The following ZNF625 variants were observed in gnomAD, a reference collection of about 807,000 sequenced individuals.
ZNF625 encodes zinc finger protein 625.
ZNF625 carries 8 observed loss-of-function variants against 11.1 expected under a neutral mutation model. The observed-to-expected ratio is 0.72, with a 90% CI of 0.42 to 1.30. The LOEUF (loss-of-function observed/expected upper bound fraction) is 1.30, where lower values mean the gene tolerates loss of function less well. ZNF625 is among the 50% of genes most tolerant of loss of function. The pLI is 0.01. For missense variants in ZNF625, 349 were observed against 447.6 expected, an observed-to-expected ratio of 0.78 and a Z score of 1.99; for synonymous variants, 145 against 153.4, an observed-to-expected ratio of 0.95 and a Z score of 0.41.
At chr19:12,151,541 G>A (rs1320415896) in intron 1 of ZNF625, among the ~76,000 whole-genome samples, 18 of 151,866 alleles carry the variant, frequency 1.2e-4, no homozygotes, top group African/African-American at 2.4e-4. Context: ...CACCACGCCC[G>A]GCTAATTTTT....
In ZNF625 at chr19:12,147,431, A is replaced by G. The variant is rs1599440592; in HGVS notation, c.155T>C (p.Ile52Thr). Reference protein sequence around the residue: ...SVGKKWKDQKIEDEYKNPRRN... With the variant: ...SVGKKWKDQKTEDEYKNPRRN... ...CCTGGGATTTTTGTACTCATCTTCAATTTTCTGATCTTTCCATTTTTTTCC... is the reference window on the plus strand; with the variant it reads ...CCTGGGATTTTTGTACTCATCTTCAGTTTTCTGATCTTTCCATTTTTTTCC... The change falls in exon 3 of 4, where the codon ATT (isoleucine) becomes ACT (threonine). Residue 52 changes from isoleucine (I) to threonine (T), a missense_variant. Physicochemically the swap from Ile to Thr is moderately conservative, Grantham distance 89. Coordinates refer to ENST00000439556, the MANE Select transcript of ZNF625 (RefSeq NM_145233.4). The G allele has an allele frequency of 6.5e-7, 1 of 1,534,836 alleles. No homozygotes were observed. The highest frequency in any genetic ancestry group is 2.4e-5 in the East Asian group (1 of 40,882).
intron 1 of ZNF625, among the ~76,000 whole-genome samples, chr19:12,148,442 G>T (rs1057167885): frequency 6.6e-6 from 1 of 152,126 alleles, no homozygotes; most frequent in Non-Finnish European, 1.5e-5. Flanking sequence ...AAAAACTCCA[G>T]GGTGTCCAGT....
chr19:12,150,910 C>T (rs1264156241), intron 1 of ZNF625, among the ~76,000 whole-genome samples: 1 of 152,066 alleles, frequency 6.6e-6, no homozygotes, highest in Non-Finnish European at 1.5e-5. Context: ...CAGTGTTCTA[C>T]GGTGGAGCTC....
chr19:12,151,204 CT>C (rs573002649), intron 1 of ZNF625, among the ~76,000 whole-genome samples: 212 of 133,918 alleles, frequency 1.6e-3, no homozygotes, highest in Admixed American at 2.4e-3. Flanking sequence ...TCTTGTATTT[CT>C]TTTTTTTTTT....
intron 3 of ZNF625, among the ~76,000 whole-genome samples, chr19:12,146,830 G>A (rs1386642834): frequency 6.6e-6 from 1 of 152,142 alleles, no homozygotes; most frequent in Non-Finnish European, 1.5e-5. Flanking sequence ...AGGCTAGAGT[G>A]TAATGGTGCT....
At chr19:12,154,659 T>C (rs1977002581) in intron 1 of ZNF625, among the ~76,000 whole-genome samples, 1 of 152,224 alleles carries the variant, frequency 6.6e-6, no homozygotes, top group African/African-American at 2.4e-5. Context: ...GGCGACTACA[T>C]CACTGTAACC....
rs538854954 is a variant in ZNF625, at chr19:12,145,023, A to AT, written c.*273dup. The AT allele has an allele frequency of 1.4e-3, 486 of 352,518 alleles. 3 individuals are homozygous for AT. Among genetic ancestry groups the AT allele is most frequent in the South Asian group, 8.9e-3 (153 of 17,262 alleles). 21.8% of individuals were successfully genotyped at this position (352,518 alleles called of 1,614,324 possible). On this transcript the variant is annotated 3_prime_UTR_variant, in exon 4 of 4. Coordinates refer to ENST00000439556, the MANE Select transcript of ZNF625 (RefSeq NM_145233.4). ...GCCACTGCACCCGGCCAAACCTCGT[A>AT]TTTTTTTTATGACAGAACTGTCTTA...
Position 12,145,459 on chromosome 19 carries a change from T to C in ZNF625, c.957A>G (p.Arg319=), listed in dbSNP as rs924810007. 6.2e-7 allele frequency: 1 copy of C among 1,614,036 alleles called. No homozygotes were observed. The highest frequency in any genetic ancestry group is 8.5e-7 in the Non-Finnish European group (1 of 1,180,002). Reference sequence around the variant, plus strand: ...CTCCAGTGTGAGTCCTTCCATGTGTTCGAAGGTGCGAGGCAGATCTGAAGG... The same window carrying C: ...CTCCAGTGTGAGTCCTTCCATGTGTCCGAAGGTGCGAGGCAGATCTGAAGG... ...GKAFRSASHL[R]THGRTHTGEK... Residue 319 remains arginine, a synonymous_variant, in exon 4 of 4, where the codon CGA becomes CGG. Transcript: ENST00000439556.
At position 12,156,635 on chromosome 19, in the gene ZNF625, G is replaced by C. The variant is rs1290902773; in HGVS notation, c.-77C>G. 2 of 1,234,956 alleles carry C rather than the reference G, an allele frequency of 1.6e-6. No homozygotes were observed. 76.5% of individuals were successfully genotyped at this position (1,234,956 alleles called of 1,614,324 possible). A position where few individuals can be genotyped will look rare whatever the true frequency, so the allele number is the denominator to read the frequency against. On this transcript the variant is annotated 5_prime_UTR_variant, in exon 1 of 4. Transcript: ENST00000439556. ...CCAGTCACAGTGCGGGCGATGGAGC[G>C]ACAGAAGCTATGGCGGAGGCACCTG...
Position 12,146,097 on chromosome 19 carries a change from C to T in ZNF625, c.319G>A (p.Val107Met), listed in dbSNP as rs7258368. The part of the protein sequence containing the change: ...PRVKSCGEVS[V>M]GHASLNRHHR... ...TGCCTATTAAGGGATGCATGACCCACGCTGACTTCTCCACATGATTTTACT... is the reference window on the plus strand; with the variant it reads ...TGCCTATTAAGGGATGCATGACCCATGCTGACTTCTCCACATGATTTTACT... The change falls in exon 4 of 4, where the codon GTG (valine) becomes ATG (methionine). Residue 107 changes from valine (V) to methionine (M), a missense_variant. By Grantham distance (21) the Val-to-Met change is conservative. Coordinates refer to ENST00000439556, the MANE Select transcript of ZNF625 (RefSeq NM_145233.4). 0.13 allele frequency: 208,127 copies of T among 1,613,886 alleles called. 15,187 individuals are homozygous for T. The highest frequency in any genetic ancestry group is 0.29 in the African/African-American group (21,401 of 74,894).
intron 1 of ZNF625, among the ~76,000 whole-genome samples, chr19:12,150,742 T>C (rs1206248524): frequency 6.6e-6 from 1 of 152,164 alleles, no homozygotes; most frequent in East Asian, 1.9e-4. Flanking sequence ...TAGGGGATAA[T>C]ATGCTCTCTC....
intron 1 of ZNF625, among the ~76,000 whole-genome samples, chr19:12,148,726 A>G (rs1976912759): frequency 6.7e-6 from 1 of 150,290 alleles, no homozygotes; most frequent in South Asian, 2.1e-4. Flanking sequence ...GGTTCAAGCA[A>G]TTTTCTGCCT....
intron 1 of ZNF625, among the ~76,000 whole-genome samples, chr19:12,152,909 G>A (rs758319399): frequency 7.9e-5 from 12 of 151,668 alleles, no homozygotes; most frequent in Non-Finnish European, 1.8e-4. Flanking sequence ...CTTACTATAA[G>A]GTATATATAA....
rs762838515 is a variant in ZNF625, at chr19:12,156,565, G to A, written c.-7C>T. 6 of 1,414,468 alleles carry A rather than the reference G, an allele frequency of 4.2e-6. No individual in the cohort carries two copies. In the East Asian group the frequency reaches 1.4e-4, roughly 32 times the overall value. The allele number at this position is 1,414,468 out of a possible 1,614,324, so 87.6% of individuals were successfully genotyped here. On this transcript the variant is annotated 5_prime_UTR_variant, in exon 1 of 4. Transcript: ENST00000439556. The stretch of plus-strand genomic sequence containing the variant: ...GGCCCCGCACACTCACCATTTCCCG[G>A]CTTCCAGGTGTCCTGGCCTCCTCTC...
At chr19:12,147,517 T>C in intron 2 of ZNF625, 62 bp from the exon 3 acceptor site, 3 of 1,509,582 alleles carry the variant, frequency 2.0e-6, no homozygotes, top group Non-Finnish European at 2.7e-6. Flanking sequence ...AGTACTAGAT[T>C]CTAAGTTCAT....
chr19:12,153,695 A>AT (rs1407952858), intron 1 of ZNF625, among the ~76,000 whole-genome samples: 2 of 151,708 alleles, frequency 1.3e-5, no homozygotes, highest in African/African-American at 2.4e-5. Context: ...AAAAAAAAAA[A>AT]AAATACATGC....
intron 1 of ZNF625, among the ~76,000 whole-genome samples, chr19:12,153,825 TGAGAC>T (rs1976991916): frequency 7.0e-6 from 1 of 141,932 alleles, no homozygotes; most frequent in Non-Finnish European, 1.5e-5. Flanking sequence ...TTTTTTTTTT[TGAGAC>T]GGAGTCTTGC....
At chr19:12,155,315 T>A (rs1392702658) in intron 1 of ZNF625, among the ~76,000 whole-genome samples, 1 of 151,974 alleles carries the variant, frequency 6.6e-6, no homozygotes, top group Non-Finnish European at 1.5e-5. Context: ...AAGGGTAAAG[T>A]CACGCCTTAG....
In ZNF625 at chr19:12,146,016, G is replaced by T; in HGVS notation, c.400C>A (p.Pro134Thr). 6.2e-7 allele frequency: 1 copy of T among 1,614,132 alleles called. No homozygotes were observed. The highest frequency in any genetic ancestry group is 8.5e-7 in the Non-Finnish European group (1 of 1,180,014). Residue 134 changes from proline (P) to threonine (T), a missense_variant, in exon 4 of 4, where the codon CCA becomes ACA. Transcript: ENST00000439556. ...TTCTTACAGTATGTACATTTATATG[G>T]CTTCTGTCCATATTCCTGATACTCA... ...PYEYQEYGQK[P>T]YKCTYCKKAF...
Sources: allele counts gnomAD v4.1 joint callset (sites outside exome capture counted in the v4.1 genomes callset), GRCh38; gene constraint gnomAD v4.1.1; transcripts MANE v1.5; gene names NCBI Gene and HGNC (gene_info 2026-07-23, HGNC 2026-07-21).